Variants in TRPM3 observed in about 807,000 individuals in gnomAD.
The protein encoded by TRPM3 is long transient receptor potential channel 3.
In TRPM3, 77 loss-of-function variants were observed where a neutral mutation model predicts 181.2. That is an observed-to-expected ratio of 0.42 (90% CI 0.35 to 0.51). TRPM3 has a LOEUF of 0.51. Ranked by LOEUF, TRPM3 falls within the 20% of genes least tolerant of loss-of-function variation. The pLI, the probability that TRPM3 is intolerant of heterozygous loss-of-function variation, is 0.01. For missense variants in TRPM3, 1,759 were observed against 2,196.7 expected (o/e 0.80, Z 3.98); for synonymous variants, 745 against 796.4 (o/e 0.94, Z 1.09).
chr9:71,122,546 G>A (rs558831005), upstream of TRPM3, among the ~76,000 whole-genome samples: 37 of 152,162 alleles, frequency 2.4e-4, no homozygotes, highest in Non-Finnish European at 4.4e-4. Context: ...CTGTGACCAT[G>A]CTGATTTTCC....
intron 1 of TRPM3, among the ~76,000 whole-genome samples, chr9:71,157,013 A>T (rs2076037571): frequency 1.3e-5 from 2 of 152,178 alleles, no homozygotes; most frequent in African/African-American, 2.4e-5. Context: ...TCCATAAAGC[A>T]TACTTTATCA....
chr9:70,778,245 T>C (rs960182138), intron 7 of TRPM3, among the ~76,000 whole-genome samples: 1 of 152,202 alleles, frequency 6.6e-6, no homozygotes, highest in African/African-American at 2.4e-5. Flanking sequence ...CACTGTTCCA[T>C]TGATAGGATT....
intron 1 of TRPM3, among the ~76,000 whole-genome samples, chr9:71,231,406 A>G (rs1476272696): frequency 6.6e-6 from 1 of 152,182 alleles, no homozygotes. Flanking sequence ...CACCAAGAAT[A>G]CTGGTGGCTT....
Position 70,537,201 on chromosome 9 carries a change from G to C in TRPM3, c.3912C>G (p.Ala1304=). The stretch of plus-strand genomic sequence containing the variant: ...AGCTGCTCTGACGGACAATGTAGGC[G>C]GCGTCCGTGCAGTCTGACGAGGTCC... ...RSRTSSDCTD[A]AYIVRQSSFN... is the part of the protein sequence containing the mutation. Residue 1304 remains alanine (A), a synonymous_variant, in exon 26 of 26, where the codon GCC becomes GCG. Coordinates refer to ENST00000677713, the MANE Select transcript of TRPM3 (RefSeq NM_001366145.2). 1 of 1,594,596 alleles carries C rather than the reference G, an allele frequency of 6.3e-7. No individual in the cohort carries two copies. Among genetic ancestry groups the C allele is most frequent in the East Asian group, 2.3e-5 (1 of 44,388 alleles).
chr9:70,617,433 G>A (rs2062959234), intron 17 of TRPM3, among the ~76,000 whole-genome samples: 1 of 152,122 alleles, frequency 6.6e-6, no homozygotes, highest in Non-Finnish European at 1.5e-5. Flanking sequence ...GAGGAAATGG[G>A]AAATGGGGCC....
At chr9:71,081,436 G>A (rs1175929193) in intron 1 of TRPM3, among the ~76,000 whole-genome samples, 2 of 152,132 alleles carry the variant, frequency 1.3e-5, no homozygotes, top group African/African-American at 4.8e-5. Flanking sequence ...AGTAATTGCT[G>A]AGAGGATTAA....
intron 1 of TRPM3, among the ~76,000 whole-genome samples, chr9:71,422,472 G>A (rs2093794482): frequency 6.6e-6 from 1 of 152,040 alleles, no homozygotes; most frequent in African/African-American, 2.4e-5. Flanking sequence ...GTGGCAAAGA[G>A]TGATGCCCCC....
chr9:70,626,038 C>G (rs1324113791), intron 12 of TRPM3, among the ~76,000 whole-genome samples: 1 of 152,058 alleles, frequency 6.6e-6, no homozygotes, highest in East Asian at 1.9e-4. Flanking sequence ...ATTTATTTTT[C>G]TAGAATTAAG....
At chr9:71,107,242 G>T (rs2069858050) in intron 1 of TRPM3, among the ~76,000 whole-genome samples, 2 of 152,194 alleles carry the variant, frequency 1.3e-5, no homozygotes, top group Admixed American at 6.5e-5. Flanking sequence ...CCCTTCAAGG[G>T]AGTTCCCACT....
At chr9:70,831,254 C>T (rs2093876288) in intron 5 of TRPM3, among the ~76,000 whole-genome samples, 1 of 152,054 alleles carries the variant, frequency 6.6e-6, no homozygotes, top group Non-Finnish European at 1.5e-5. Context: ...AAAAGATTTG[C>T]TGATCTTCCC....
intron 6 of TRPM3, among the ~76,000 whole-genome samples, chr9:70,810,593 T>G (rs2091849177): frequency 6.6e-6 from 1 of 152,112 alleles, no homozygotes. Flanking sequence ...CAACCTATAT[T>G]TGGCACAGAG....
chr9:70,683,539 T>C (rs1283622278), intron 8 of TRPM3, among the ~76,000 whole-genome samples: 4 of 144,728 alleles, frequency 2.8e-5, no homozygotes, highest in Non-Finnish European at 6.0e-5. Context: ...GGATTACAGA[T>C]GTGAGCCACC....
chr9:70,817,853 T>C (rs1472533156), intron 6 of TRPM3, among the ~76,000 whole-genome samples: 1 of 152,038 alleles, frequency 6.6e-6, no homozygotes, highest in Non-Finnish European at 1.5e-5. Flanking sequence ...TCATATTTAT[T>C]ATATATTGTT....
At chr9:70,570,380 C>A (rs551909228) in intron 22 of TRPM3, among the ~76,000 whole-genome samples, 4 of 139,316 alleles carry the variant, frequency 2.9e-5, no homozygotes, top group Non-Finnish European at 1.5e-5. Context: ...ACGATCTCAG[C>A]GGACTGCAAC....
At chr9:71,273,672 T>C (rs147832287) in intron 1 of TRPM3, among the ~76,000 whole-genome samples, 1,809 of 152,320 alleles carry the variant, frequency 0.012, 22 homozygotes, top group Non-Finnish European at 0.015. Context: ...CCAATTACAC[T>C]TGTGTCTATA....
chr9:70,760,321 C>T (rs1226548542), intron 8 of TRPM3, among the ~76,000 whole-genome samples: 1 of 151,010 alleles, frequency 6.6e-6, no homozygotes, highest in East Asian at 1.9e-4. Context: ...AGAAGATAAT[C>T]CCTACTGTGG....
intron 1 of TRPM3, among the ~76,000 whole-genome samples, chr9:71,309,435 T>A (rs774093127): frequency 2.0e-5 from 3 of 152,174 alleles, no homozygotes; most frequent in Non-Finnish European, 2.9e-5. Flanking sequence ...CATATCTCAA[T>A]ATAGATTGTT....
At chr9:70,783,125 T>C (rs575990953) in intron 7 of TRPM3, among the ~76,000 whole-genome samples, 1 of 152,352 alleles carries the variant, frequency 6.6e-6, no homozygotes, top group South Asian at 2.1e-4. Flanking sequence ...CTAGACTTAC[T>C]GTGAGCATCT....
At chr9:71,328,174 GTTTGT>G (rs754210857) in intron 1 of TRPM3, among the ~76,000 whole-genome samples, 1 of 151,718 alleles carries the variant, frequency 6.6e-6, no homozygotes, top group Non-Finnish European at 1.5e-5. Context: ...TTGTTTGTTT[GTTTGT>G]TTTGAGATGG....
Sources: allele counts gnomAD v4.1 joint callset (sites outside exome capture counted in the v4.1 genomes callset), GRCh38; gene constraint gnomAD v4.1.1; transcripts MANE v1.5; gene names NCBI Gene and HGNC (gene_info 2026-07-23, HGNC 2026-07-21).